The following MELK variants were observed in gnomAD, a reference collection of about 807,000 sequenced individuals.
The protein encoded by MELK is pEg3 kinase.
A neutral mutation model predicts 85.0 loss-of-function variants in MELK; 81 were observed. The ratio of observed to expected loss-of-function variants is 0.95; its 90% CI spans 0.80 to 1.15. The LOEUF is 1.15. Ranked by LOEUF, MELK falls within the 50% of genes most tolerant of loss-of-function variation. The pLI is 0.00. For missense variants in MELK, 754 were observed against 777.5 expected, an observed-to-expected ratio of 0.97 and a Z score of 0.36; for synonymous variants, 252 against 265.0, an observed-to-expected ratio of 0.95 and a Z score of 0.48.
Position 36,592,231 on chromosome 9 carries a change from A to G in MELK, c.262-2397A>G, listed in dbSNP as rs189917156. 1.6e-3 allele frequency among the ~76,000 whole-genome samples: 242 copies of G among 147,538 alleles called. 1 individual carries two copies. The highest frequency in any genetic ancestry group is 5.6e-3 in the African/African-American group (222 of 39,708). On this transcript the variant is annotated intron_variant, in intron 4 of 17. Coordinates refer to ENST00000298048, the MANE Select transcript of MELK (RefSeq NM_014791.4). ...ACACTGTCTTGAGTGCTGGAGTGCAATGGCGTAACCTTGGCTCACTACAAC... is the reference window on the plus strand; with the variant it reads ...ACACTGTCTTGAGTGCTGGAGTGCAGTGGCGTAACCTTGGCTCACTACAAC...
At chr9:36,599,737 T>G (rs1435610206) in intron 7 of MELK, among the ~76,000 whole-genome samples, 1 of 152,308 alleles carries the variant, frequency 6.6e-6, no homozygotes, top group African/African-American at 2.4e-5. Flanking sequence ...GCTTTTGTAT[T>G]AAATAGTGCC....
chr9:36,619,765 T>C (rs1477336749), intron 8 of MELK, among the ~76,000 whole-genome samples: 1 of 152,212 alleles, frequency 6.6e-6, no homozygotes, highest in African/African-American at 2.4e-5. Flanking sequence ...ATGAAATCTC[T>C]TCTGTCTAGA....
chr9:36,615,278 G>A (rs1228596955), intron 8 of MELK, among the ~76,000 whole-genome samples: 2 of 124,636 alleles, frequency 1.6e-5, no homozygotes, highest in African/African-American at 3.7e-5. Flanking sequence ...CAGACGGCAC[G>A]GCTGGCCAGG....
In MELK at chr9:36,651,923, C is replaced by G. The variant is rs199670497; in HGVS notation, c.1053+46C>G. 1.1e-5 allele frequency: 18 copies of G among 1,585,564 alleles called. No homozygotes were observed. In the African/African-American group the frequency reaches 2.3e-4, roughly 20 times the overall value. On this transcript the variant is annotated intron_variant, in intron 12 of 17. Coordinates refer to ENST00000298048, the MANE Select transcript of MELK (RefSeq NM_014791.4). ...TGTCTTGCCACGTGCCCTCCCTGTT[C>G]CTGAGTGTGTATACCACTGGGAAGG...
chr9:36,608,887 A>G (rs1029016942), intron 8 of MELK, among the ~76,000 whole-genome samples: 4 of 152,128 alleles, frequency 2.6e-5, no homozygotes, highest in African/African-American at 7.2e-5. Context: ...CCGGCCCAAT[A>G]TATAAACTTC....
At chr9:36,628,669 C>T (rs2136411998) in intron 8 of MELK, among the ~76,000 whole-genome samples, 1 of 151,746 alleles carries the variant, frequency 6.6e-6, no homozygotes, top group East Asian at 2.0e-4. Context: ...CCACCTGCCT[C>T]AGCCTCCCAA....
intron 8 of MELK, among the ~76,000 whole-genome samples, chr9:36,617,338 CTT>C (rs988676730): frequency 1.4e-5 from 2 of 143,980 alleles, no homozygotes; most frequent in Admixed American, 7.0e-5. Context: ...TTTTTTCTTT[CTT>C]TTTTTTTTTA....
At chr9:36,615,523 T>C (rs1280907521) in intron 8 of MELK, among the ~76,000 whole-genome samples, 2 of 116,360 alleles carry the variant, frequency 1.7e-5, no homozygotes, top group Non-Finnish European at 3.6e-5. Flanking sequence ...CCGGACGGGG[T>C]GGCTGCCGGG....
At chr9:36,671,792 C>G (rs918566449) in intron 16 of MELK, among the ~76,000 whole-genome samples, 1 of 152,156 alleles carries the variant, frequency 6.6e-6, no homozygotes, top group Non-Finnish European at 1.5e-5. Context: ...TGGATTCTCT[C>G]TGAGCATTCA....
chr9:36,594,870 G>T, intron 5 of MELK, 99 bp downstream of exon 5: 3 of 1,321,418 alleles, frequency 2.3e-6, no homozygotes, highest in Non-Finnish European at 3.0e-6. Context: ...TCTTTGGTTT[G>T]CTTTTTGTTG....
chr9:36,612,860 T>C (rs960417302), intron 8 of MELK, among the ~76,000 whole-genome samples: 1 of 152,246 alleles, frequency 6.6e-6, no homozygotes, highest in African/African-American at 2.4e-5. Flanking sequence ...GTGGATGTTT[T>C]GTAGAATGTG....
chr9:36,589,449 C>A, intron 3 of MELK, 87 bp from the exon 4 acceptor site: 1 of 1,086,428 alleles, frequency 9.2e-7, no homozygotes, highest in Non-Finnish European at 1.4e-6. Context: ...GCCCGGCCAG[C>A]TACTTAGTAT....
chr9:36,670,794 G>C (rs1477973557), intron 15 of MELK, among the ~76,000 whole-genome samples: 2 of 149,104 alleles, frequency 1.3e-5, no homozygotes, highest in Non-Finnish European at 2.9e-5. Flanking sequence ...GTTTTGCTGA[G>C]TGGCAGTTGC....
At chr9:36,638,230 A>G (rs1829398601) in intron 10 of MELK, among the ~76,000 whole-genome samples, 1 of 152,200 alleles carries the variant, frequency 6.6e-6, no homozygotes, top group Admixed American at 6.5e-5. Flanking sequence ...AGTATAAAGT[A>G]AAATATATAA....
rs771749181 is a variant in MELK, at chr9:36,630,328, C to A, written c.696C>A (p.Leu232=). Residue 232 remains leucine, a synonymous_variant, in exon 9 of 18, where the codon CTC becomes CTA. Transcript: ENST00000298048. ...MRGKYDVPKW[L]SPSSILLLQQ... ...GAAAATATGATGTTCCCAAGTGGCT[C>A]TCTCCCAGTAGCATTCTGCTTCTTC... The A allele has an allele frequency of 6.2e-7, 1 of 1,612,220 alleles. No homozygotes were observed. Among genetic ancestry groups the A allele is most frequent in the South Asian group, 1.1e-5 (1 of 91,002 alleles).
At chr9:36,618,349 C>T (rs1399682531) in intron 8 of MELK, among the ~76,000 whole-genome samples, 1 of 145,586 alleles carries the variant, frequency 6.9e-6, no homozygotes, top group Non-Finnish European at 1.5e-5. Flanking sequence ...GCAGAGGTTG[C>T]AGTGAGCTGA....
intron 9 of MELK, 102 bp downstream of exon 9, chr9:36,630,469 C>A: frequency 2.2e-6 from 2 of 903,766 alleles, no homozygotes; most frequent in Non-Finnish European, 3.5e-6. Flanking sequence ...TGAAAAAAAT[C>A]CCACTCATAT....
At chr9:36,636,728 A>ATTTCTTTCTTTC (rs74181197) in intron 10 of MELK, among the ~76,000 whole-genome samples, 2,899 of 100,808 alleles carry the variant, frequency 0.029, 95 homozygotes, top group East Asian at 0.054. Flanking sequence ...TAGCAACTGG[A>ATTTCTTTCTTTC]TTTCTTTCTT....
intron 7 of MELK, 26 bp downstream of exon 7, chr9:36,599,512 A>G: frequency 6.4e-7 from 1 of 1,553,096 alleles, no homozygotes; most frequent in Non-Finnish European, 8.9e-7. Context: ...TTAATTCATT[A>G]TATAATCAGC....
Sources: allele counts gnomAD v4.1 joint callset (sites outside exome capture counted in the v4.1 genomes callset), GRCh38; gene constraint gnomAD v4.1.1; transcripts MANE v1.5; gene names NCBI Gene and HGNC (gene_info 2026-07-23, HGNC 2026-07-21).